The following NEK10 variants were observed in gnomAD, a reference collection of about 807,000 sequenced individuals.
NEK10 encodes NIMA related kinase 10.
In NEK10, 122 loss-of-function variants were observed where a neutral mutation model predicts 159.8. The observed-to-expected ratio is 0.76, with a 90% CI of 0.66 to 0.89. NEK10 has a LOEUF of 0.89. NEK10 is among the 40% of genes least tolerant of loss of function. The probability of loss-of-function intolerance (pLI) is 0.00; values close to 1 mark genes in which losing one functional copy is unlikely to be tolerated. For synonymous variants in NEK10, 466 were observed against 457.1 expected, an observed-to-expected ratio of 1.02 and a Z score of -0.25; for missense variants, 1,342 against 1,323.1, an observed-to-expected ratio of 1.01 and a Z score of -0.22.
At chr3:27,233,456 G>A (rs1463213076) in intron 23 of NEK10, among the ~76,000 whole-genome samples, 1 of 152,006 alleles carries the variant, frequency 6.6e-6, no homozygotes, top group Non-Finnish European at 1.5e-5. Flanking sequence ...CTGCTGATGG[G>A]AATGTAAACT....
At chr3:27,306,928 GTC>G (rs374422628) in intron 11 of NEK10, among the ~76,000 whole-genome samples, 1 of 151,562 alleles carries the variant, frequency 6.6e-6, no homozygotes, top group Non-Finnish European at 1.5e-5. Context: ...TTTTTATGTT[GTC>G]TCTCTCTCTC....
At chr3:27,187,463 C>T (rs1948724258) in intron 26 of NEK10, among the ~76,000 whole-genome samples, 1 of 151,936 alleles carries the variant, frequency 6.6e-6, no homozygotes, top group Non-Finnish European at 1.5e-5. Flanking sequence ...CAATTTTTAC[C>T]CAAATTCATA....
Position 27,291,293 on chromosome 3 carries a change from A to G in NEK10, c.1574T>C (p.Leu525Pro), listed in dbSNP as rs748278514. 6.2e-7 allele frequency: 1 copy of G among 1,613,774 alleles called. No homozygotes were observed. Among genetic ancestry groups the G allele is most frequent in the Non-Finnish European group, 8.5e-7 (1 of 1,179,816 alleles). The change falls in exon 18 of 36, where the codon CTT (leucine) becomes CCT (proline). Residue 525 changes from leucine (L) to proline (P), a missense_variant. Transcript: ENST00000691995. ...YIGNYAILDH[L>P]GSGAFGCVYK... is the part of the protein sequence containing the mutation. ...AACACAGCCAAAAGCTCCACTTCCAAGATGATCCAAAATTGCATAGTTGCC... is the reference window on the plus strand; with the variant it reads ...AACACAGCCAAAAGCTCCACTTCCAGGATGATCCAAAATTGCATAGTTGCC...
chr3:27,140,577 T>C (rs534512578), intron 31 of NEK10, among the ~76,000 whole-genome samples: 3 of 152,334 alleles, frequency 2.0e-5, no homozygotes, highest in South Asian at 2.1e-4. Flanking sequence ...GGATGGGGGT[T>C]AGTTAAATGA....
chr3:27,210,035 TA>T (rs35293137), intron 23 of NEK10, among the ~76,000 whole-genome samples: 35,147 of 151,188 alleles, frequency 0.23, 4,452 homozygotes, highest in Middle Eastern at 0.38. Flanking sequence ...GAAAGTCTGA[TA>T]AGAGACATTT....
chr3:27,134,041 A>T (rs983418511), intron 31 of NEK10, among the ~76,000 whole-genome samples: 28 of 152,116 alleles, frequency 1.8e-4, no homozygotes, highest in Admixed American at 3.9e-4. Context: ...GAGGAAATTT[A>T]AAAAAATGTG....
intron 22 of NEK10, among the ~76,000 whole-genome samples, chr3:27,264,890 G>C (rs535116740): frequency 4.3e-5 from 5 of 117,522 alleles, no homozygotes; most frequent in African/African-American, 1.1e-4. Flanking sequence ...GCGAAAATCA[G>C]TCTAAATAAA....
At chr3:27,116,457 G>T (rs547735597) in intron 33 of NEK10, among the ~76,000 whole-genome samples, 1 of 152,182 alleles carries the variant, frequency 6.6e-6, no homozygotes, top group African/African-American at 2.4e-5. Context: ...CAAATTACCT[G>T]ATGGGTGTTT....
At chr3:27,262,556 T>C (rs935886319) in intron 22 of NEK10, among the ~76,000 whole-genome samples, 3 of 152,180 alleles carry the variant, frequency 2.0e-5, no homozygotes, top group Non-Finnish European at 4.4e-5. Flanking sequence ...TCTCTAAACT[T>C]CTCTTCTCGC....
chr3:27,215,806 G>T (rs1424167254), intron 23 of NEK10: 1 of 717,410 alleles, frequency 1.4e-6, no homozygotes, highest in South Asian at 1.5e-5. Context: ...AATGATAGCA[G>T]AAGGCAAAGG....
At chr3:27,215,963 T>A in intron 23 of NEK10, 1 of 529,586 alleles carries the variant, frequency 1.9e-6, no homozygotes, top group African/African-American at 1.9e-5. Flanking sequence ...TACAATCACC[T>A]CCCACCAGGC....
chr3:27,341,226 C>G (rs67074195), intron 5 of NEK10, among the ~76,000 whole-genome samples: 14,949 of 152,014 alleles, frequency 0.098, 1,607 homozygotes, highest in African/African-American at 0.27. Flanking sequence ...GGGGGATAAA[C>G]AGGTAGGTTA....
At chr3:27,359,806 C>T (rs775117082) in intron 1 of NEK10, among the ~76,000 whole-genome samples, 2 of 152,202 alleles carry the variant, frequency 1.3e-5, no homozygotes, top group Non-Finnish European at 2.9e-5. Context: ...AAAATACACA[C>T]TTAAAATGTA....
intron 22 of NEK10, among the ~76,000 whole-genome samples, chr3:27,270,830 G>A (rs528585044): frequency 2.2e-4 from 34 of 152,032 alleles, no homozygotes; most frequent in Non-Finnish European, 3.8e-4. Flanking sequence ...AGGTCTACAC[G>A]ACCATACATG....
At chr3:27,329,003 G>A (rs532447295) in intron 5 of NEK10, among the ~76,000 whole-genome samples, 1 of 152,334 alleles carries the variant, frequency 6.6e-6, no homozygotes, top group African/African-American at 2.4e-5. Context: ...TGGATTGGCT[G>A]TGTCCCCACC....
At chr3:27,232,263 C>T (rs1454718131) in intron 23 of NEK10, among the ~76,000 whole-genome samples, 2 of 151,772 alleles carry the variant, frequency 1.3e-5, no homozygotes, top group African/African-American at 4.8e-5. Flanking sequence ...CTGCTACACA[C>T]CAAGAATGAC....
At chr3:27,315,494 G>A (rs927866163) in intron 6 of NEK10, among the ~76,000 whole-genome samples, 4 of 152,176 alleles carry the variant, frequency 2.6e-5, no homozygotes, top group African/African-American at 7.2e-5. Flanking sequence ...CCTCATCAAT[G>A]CTATTCACTC....
Position 27,307,894 on chromosome 3 carries a change from CA to C in NEK10, c.767del (p.Leu256Ter). On this transcript the variant is annotated frameshift_variant, in exon 11 of 36. Transcript: ENST00000691995. LOFTEE classifies it high-confidence loss of function. ...GCAAGTCATATTCATGTAAAATCAT[CA>C]ACAGATTTTCTACAATGTTGAGTTC... ...ISELNIVENLLMILHEYDLLS... is the reference protein window; with the variant it reads ...ISELNIVENLXMILHEYDLLS... 6.4e-7 allele frequency: 1 copy of C among 1,570,860 alleles called. No individual in the cohort carries two copies.
intron 22 of NEK10, among the ~76,000 whole-genome samples, chr3:27,280,095 G>GAAAAA (rs1203824501): frequency 8.6e-5 from 6 of 69,466 alleles, no homozygotes; most frequent in African/African-American, 2.2e-4. Flanking sequence ...CCCTAAAATG[G>GAAAAA]AAAAAAAAAA....
Sources: gnomAD v4.1 joint callset for allele counts (sites outside exome capture counted in the v4.1 genomes callset) on GRCh38, gnomAD v4.1.1 for gene constraint, MANE v1.5 for transcripts, NCBI Gene and HGNC (gene_info 2026-07-23, HGNC 2026-07-21) for gene names.